Variants in PAPPA2 observed in about 807,000 individuals in gnomAD.
PAPPA2 encodes the protein pappalysin 2.
PAPPA2 carries 86 observed loss-of-function variants against 176.4 expected under a neutral mutation model. That is an observed-to-expected ratio of 0.49 (90% CI 0.41 to 0.58). The LOEUF (loss-of-function observed/expected upper bound fraction) is 0.58, where lower values mean the gene tolerates loss of function less well. PAPPA2 is among the 20% of genes least tolerant of loss of function. The pLI, the probability that PAPPA2 is intolerant of heterozygous loss-of-function variation, is 0.00. For synonymous variants in PAPPA2, 809 were observed against 852.2 expected (o/e 0.95, Z 0.88); for missense variants, 2,073 against 2,256.9 (o/e 0.92, Z 1.65).
intron 3 of PAPPA2, among the ~76,000 whole-genome samples, chr1:176,613,438 C>A (rs981306319): frequency 2.6e-5 from 4 of 152,270 alleles, no homozygotes; most frequent in African/African-American, 9.6e-5. Context: ...TTAGATAATC[C>A]AAAGAGAAGT....
intron 12 of PAPPA2, 25 bp downstream of exon 12, chr1:176,712,006 G>T: frequency 6.2e-7 from 1 of 1,600,728 alleles, no homozygotes; most frequent in Admixed American, 1.7e-5. Flanking sequence ...TGTTTCTTTT[G>T]TGCATGTGAA....
chr1:176,683,590 T>A (rs1170822871), intron 4 of PAPPA2, among the ~76,000 whole-genome samples: 1 of 152,156 alleles, frequency 6.6e-6, no homozygotes, highest in East Asian at 1.9e-4. Flanking sequence ...CTTGGGGCTG[T>A]ACCTAACTGT....
chr1:176,697,419 C>A (rs1284354730), intron 7 of PAPPA2, among the ~76,000 whole-genome samples: 1 of 152,042 alleles, frequency 6.6e-6, no homozygotes, highest in Non-Finnish European at 1.5e-5. Flanking sequence ...CATTAATGAA[C>A]TAAGTATATA....
intron 1 of PAPPA2, among the ~76,000 whole-genome samples, chr1:176,510,810 T>TACACACACAC (rs200808228): frequency 0.041 from 5,131 of 126,448 alleles, 125 homozygotes; most frequent in South Asian, 0.055. Flanking sequence ...AAGCAACACA[T>TACACACACAC]ACACACACAC....
intron 1 of PAPPA2, among the ~76,000 whole-genome samples, chr1:176,538,319 T>C (rs1208619873): frequency 6.6e-6 from 1 of 152,222 alleles, no homozygotes; most frequent in Admixed American, 6.5e-5. Flanking sequence ...CACATTTATT[T>C]TATTTAATCT....
intron 1 of PAPPA2, among the ~76,000 whole-genome samples, chr1:176,473,788 G>A (rs1236019643): frequency 1.3e-5 from 2 of 152,170 alleles, no homozygotes; most frequent in African/African-American, 4.8e-5. Context: ...GATATATGAT[G>A]TTGAACGTCT....
At chr1:176,728,863 T>C (rs1414683458) in intron 12 of PAPPA2, among the ~76,000 whole-genome samples, 3 of 151,954 alleles carry the variant, frequency 2.0e-5, no homozygotes, top group African/African-American at 2.4e-5. Flanking sequence ...CATAATACTT[T>C]AAAGGCAATG....
chr1:176,615,654 G>A (rs527699036), intron 3 of PAPPA2, among the ~76,000 whole-genome samples: 39 of 152,228 alleles, frequency 2.6e-4, no homozygotes, highest in African/African-American at 9.1e-4. Context: ...AGCACAAAGT[G>A]AGATTTATAG....
chr1:176,690,136 G>A lies in PAPPA2; in HGVS notation c.2138-1G>A, dbSNP rs1278657692. 2 of 1,593,282 alleles carry A rather than the reference G, an allele frequency of 1.3e-6. No individual in the cohort carries two copies. The highest frequency in any genetic ancestry group is 3.4e-5 in the Admixed American group (2 of 59,126). ...AAGGCTTTTCAAAACTTTCATTGCA[G>A]GTGGCATTGTCCTCAGCCCAGCATA... On this transcript the variant is annotated splice_acceptor_variant, in intron 4 of 22. Transcript: ENST00000367662. LOFTEE classifies it high-confidence loss of function.
At chr1:176,674,956 T>TA in intron 4 of PAPPA2, among the ~76,000 whole-genome samples, 1 of 152,148 alleles carries the variant, frequency 6.6e-6, no homozygotes, top group African/African-American at 2.4e-5. Flanking sequence ...TTTGATTTTT[T>TA]AAAAAAATTA....
At chr1:176,744,204 C>G (rs928737504) in intron 14 of PAPPA2, among the ~76,000 whole-genome samples, 4 of 152,130 alleles carry the variant, frequency 2.6e-5, no homozygotes, top group Admixed American at 6.6e-5. Context: ...AATCCTTTTA[C>G]CCCTTTAAAT....
At chr1:176,675,171 T>C (rs554537775) in intron 4 of PAPPA2, among the ~76,000 whole-genome samples, 7 of 152,188 alleles carry the variant, frequency 4.6e-5, no homozygotes, top group African/African-American at 1.7e-4. Flanking sequence ...TTGGAGGAAG[T>C]TTATCTGCCT....
intron 17 of PAPPA2, among the ~76,000 whole-genome samples, chr1:176,783,245 CTGT>C (rs1189328542): frequency 2.0e-5 from 3 of 152,302 alleles, no homozygotes; most frequent in East Asian, 3.9e-4. Context: ...TATTGTTTTT[CTGT>C]TGTTGTTATT....
At chr1:176,842,131 T>C (rs1667510602) in intron 22 of PAPPA2, among the ~76,000 whole-genome samples, 1 of 152,162 alleles carries the variant, frequency 6.6e-6, no homozygotes, top group South Asian at 2.1e-4. Context: ...ACAAACACCC[T>C]CTGGGGTAGT....
chr1:176,580,231 G>A (rs1006633965), intron 2 of PAPPA2, among the ~76,000 whole-genome samples: 3 of 152,176 alleles, frequency 2.0e-5, no homozygotes, highest in Non-Finnish European at 2.9e-5. Flanking sequence ...AACTTTTTAA[G>A]CTTCTGCATA....
At chr1:176,545,493 T>A (rs1297266610) in intron 1 of PAPPA2, among the ~76,000 whole-genome samples, 1 of 152,060 alleles carries the variant, frequency 6.6e-6, no homozygotes, top group Admixed American at 6.6e-5. Context: ...CATGATTTTT[T>A]TCTTGCCATT....
intron 1 of PAPPA2, among the ~76,000 whole-genome samples, chr1:176,516,947 G>A (rs995093770): frequency 1.3e-5 from 2 of 152,136 alleles, no homozygotes; most frequent in Non-Finnish European, 2.9e-5. Flanking sequence ...TCTTAAAAAT[G>A]TCTGTTATCT....
At chr1:176,732,803 A>G (rs1662222656) in intron 12 of PAPPA2, among the ~76,000 whole-genome samples, 1 of 152,162 alleles carries the variant, frequency 6.6e-6, no homozygotes, top group Non-Finnish European at 1.5e-5. Context: ...AAATGATTTA[A>G]AATTGTCTCC....
rs1055045442 is a variant in PAPPA2 at position 176,842,981 on chromosome 1, A to G, written c.*527A>G. The G allele has an allele frequency of 2.7e-5, 4 of 150,220 alleles. No individual in the cohort carries two copies. The highest frequency in any genetic ancestry group is 4.4e-5 in the Non-Finnish European group (3 of 67,684). The allele number at this position is 150,220 out of a possible 1,614,324, so 9.3% of individuals were successfully genotyped here. On this transcript the variant is annotated 3_prime_UTR_variant, in exon 23 of 23. Transcript: ENST00000367662. Reference sequence around the variant, plus strand: ...TGAAGTTAGTTATTAATTCTTTATAAGTATTTAAACATAATTATATAAATA... The same window carrying G: ...TGAAGTTAGTTATTAATTCTTTATAGGTATTTAAACATAATTATATAAATA...
Sources: allele counts gnomAD v4.1 joint callset (sites outside exome capture counted in the v4.1 genomes callset), GRCh38; gene constraint gnomAD v4.1.1; transcripts MANE v1.5; gene names NCBI Gene and HGNC (gene_info 2026-07-23, HGNC 2026-07-21).